Variants in AKT3 observed in about 807,000 individuals in gnomAD.
The protein encoded by AKT3 is AKT serine/threonine kinase 3, also known as RAC-gamma serine/threonine-protein kinase.
In AKT3, 15 loss-of-function variants were observed where a neutral mutation model predicts 65.3. The observed-to-expected ratio is 0.23, with a 90% CI of 0.15 to 0.35. The LOEUF (loss-of-function observed/expected upper bound fraction) is 0.35. Ranked by LOEUF, AKT3 falls within the 10% of genes least tolerant of loss-of-function variation. The pLI, the probability that AKT3 is intolerant of heterozygous loss-of-function variation, is 1.00. For synonymous variants in AKT3, 206 were observed against 183.8 expected (o/e 1.12, Z -0.98); for missense variants, 243 against 576.5 (o/e 0.42, Z 5.92).
rs1572231637 is a variant in AKT3 at position 243,723,839 on chromosome 1, G to A, written c.47-28123C>T. On this transcript the variant is annotated intron_variant, in intron 2 of 13. Coordinates refer to ENST00000673466, the MANE Select transcript of AKT3 (RefSeq NM_005465.7). ...GGGAGTCTGAGGTGGAAGATCACTT[G>A]AGCACAGGAAGTGGAGGATACAGTG... Among the ~76,000 whole-genome samples, 3 of 152,142 alleles carry A rather than the reference G, an allele frequency of 2.0e-5. No homozygotes were observed. In the South Asian group the frequency reaches 6.2e-4, roughly 32 times the overall value.
chr1:243,736,244 G>A (rs1201546872), intron 2 of AKT3, among the ~76,000 whole-genome samples: 1 of 152,180 alleles, frequency 6.6e-6, no homozygotes, highest in African/African-American at 2.4e-5. Context: ...ACAGAAAGTT[G>A]TTCTAAAGCT....
rs1303545797 is a variant in AKT3 at position 243,500,115 on chromosome 1, T to TA, written c.*5133dup. ...GACTTGAGTTGTAATGTTTCCTTTT[T>TA]ATCTTGTAGTGATGAACAAAACACA... On this transcript the variant is annotated 3_prime_UTR_variant, in exon 14 of 14. Coordinates refer to ENST00000673466, the MANE Select transcript of AKT3 (RefSeq NM_005465.7). 3 of 364,902 alleles carry TA rather than the reference T, an allele frequency of 8.2e-6. No homozygotes were observed. The Admixed American group carries it at 1.3e-4, about 15-fold the overall frequency. 22.6% of individuals were successfully genotyped at this position (364,902 alleles called of 1,614,324 possible). A position where few individuals can be genotyped will look rare whatever the true frequency, so the allele number is the denominator to read the frequency against.
At chr1:243,546,149 C>T (rs1365163118) in intron 11 of AKT3, among the ~76,000 whole-genome samples, 3 of 152,102 alleles carry the variant, frequency 2.0e-5, no homozygotes, top group African/African-American at 4.8e-5. Flanking sequence ...AGGGCGATTC[C>T]CCTGCACATG....
At position 243,677,038 on chromosome 1, in the gene AKT3, CCATTA is replaced by C. The variant is rs1683572771; in HGVS notation, c.173-12160_173-12156del. On this transcript the variant is annotated intron_variant, in intron 3 of 13. Transcript: ENST00000673466. ...TTTCAAAGCTATTCATAAGGAAGCC[CCATTA>C]ATTAAAACAAAAAGTTTCAAACTGT... is the stretch of plus-strand genomic sequence containing the variant. Among the ~76,000 whole-genome samples the C allele has an allele frequency of 2.6e-5, 4 of 152,236 alleles. No individual in the cohort carries two copies. In the South Asian group the frequency reaches 8.3e-4, roughly 32 times the overall value.
intron 3 of AKT3, among the ~76,000 whole-genome samples, chr1:243,673,774 C>T (rs1683315840): frequency 6.6e-6 from 1 of 151,954 alleles, no homozygotes; most frequent in African/African-American, 2.4e-5. Flanking sequence ...GCCACTAGGC[C>T]CAGCTAAGTT....
chr1:243,727,182 T>C (rs1170985502), intron 2 of AKT3, among the ~76,000 whole-genome samples: 2 of 152,172 alleles, frequency 1.3e-5, no homozygotes, highest in Non-Finnish European at 2.9e-5. Flanking sequence ...ACAAGGCAGC[T>C]CAACATGGCA....
chr1:243,699,400 C>A (rs58594024), intron 2 of AKT3, among the ~76,000 whole-genome samples: 26,976 of 143,400 alleles, frequency 0.19, 2,988 homozygotes, highest in East Asian at 0.3. Context: ...AATGTATCGT[C>A]AAGATAAACC....
At chr1:243,705,597 G>C (rs923400246) in intron 2 of AKT3, among the ~76,000 whole-genome samples, 2 of 152,078 alleles carry the variant, frequency 1.3e-5, no homozygotes, top group East Asian at 1.9e-4. Flanking sequence ...TTTACTCTAA[G>C]AGAAAAGCAA....
chr1:243,530,468 A>T (rs937276562), intron 12 of AKT3, among the ~76,000 whole-genome samples: 2 of 152,224 alleles, frequency 1.3e-5, no homozygotes, highest in African/African-American at 4.8e-5. Context: ...AAATTCTTTG[A>T]AACAAATGAG....
intron 6 of AKT3, 23 bp downstream of exon 6, chr1:243,637,588 A>G: frequency 6.4e-7 from 1 of 1,570,972 alleles, no homozygotes; most frequent in African/African-American, 1.4e-5. Flanking sequence ...AAATTTAGTA[A>G]TCAACTTTAA....
rs74746507 is a variant in AKT3 at position 243,574,233 on chromosome 1, A to C, written c.697-1185T>G. On this transcript the variant is annotated intron_variant, in intron 8 of 13. Coordinates refer to ENST00000673466, the MANE Select transcript of AKT3 (RefSeq NM_005465.7). ...AGTAACATAAAACAGGTTCCCTATA[A>C]ATTCATTCTTCCCCATTCCCACCCC... Among the ~76,000 whole-genome samples the C allele has an allele frequency of 2.0e-5, 3 of 152,100 alleles. No individual in the cohort carries two copies. The East Asian group carries it at 5.8e-4, about 29-fold the overall frequency.
At chr1:243,787,516 C>G (rs964054444) in intron 2 of AKT3, among the ~76,000 whole-genome samples, 19 of 152,146 alleles carry the variant, frequency 1.2e-4, no homozygotes. Context: ...TTGGTTAGAT[C>G]AATATTTGAG....
chr1:243,645,427 A>G (rs1572090993), intron 5 of AKT3, among the ~76,000 whole-genome samples: 1 of 152,330 alleles, frequency 6.6e-6, no homozygotes, highest in South Asian at 2.1e-4. Flanking sequence ...CAGCCATTAA[A>G]TAAGAGTTAT....
chr1:243,615,786 C>T (rs1231480368), intron 6 of AKT3, among the ~76,000 whole-genome samples: 1 of 152,008 alleles, frequency 6.6e-6, no homozygotes, highest in African/African-American at 2.4e-5. Flanking sequence ...GGATAGAGTA[C>T]AGTGGTACAA....
At chr1:243,531,007 T>C (rs899483150) in intron 12 of AKT3, among the ~76,000 whole-genome samples, 1 of 152,232 alleles carries the variant, frequency 6.6e-6, no homozygotes, top group African/African-American at 2.4e-5. Context: ...ATCTGTTTTT[T>C]TCAGATGTAA....
At chr1:243,728,725 G>A (rs1238292731) in intron 2 of AKT3, among the ~76,000 whole-genome samples, 2 of 152,122 alleles carry the variant, frequency 1.3e-5, no homozygotes, top group Non-Finnish European at 2.9e-5. Context: ...TAAGATCAAT[G>A]AGTTTTAAAG....
At chr1:243,643,517 T>C (rs1039492528) in intron 5 of AKT3, among the ~76,000 whole-genome samples, 1 of 152,240 alleles carries the variant, frequency 6.6e-6, no homozygotes, top group African/African-American at 2.4e-5. Context: ...CGCTATCTTT[T>C]AATTAAAACA....
intron 2 of AKT3, among the ~76,000 whole-genome samples, chr1:243,698,718 C>A (rs1685219916): frequency 6.6e-6 from 1 of 151,952 alleles, no homozygotes; most frequent in African/African-American, 2.4e-5. Flanking sequence ...TTATTTCTCA[C>A]AAACTTTTTA....
At position 243,755,001 on chromosome 1, in the gene AKT3, T is replaced by C. The variant is rs530854658; in HGVS notation, c.47-59285A>G. ...ACTTACAGTCTTCCAGCAGAGCAGC[T>C]TGATATGTAGGAAATCATCAATAAA... On this transcript the variant is annotated intron_variant, in intron 2 of 13. Transcript: ENST00000673466. Among the ~76,000 whole-genome samples the C allele has an allele frequency of 7.9e-5, 12 of 152,148 alleles. No individual in the cohort carries two copies. In the South Asian group the frequency reaches 1.4e-3, roughly 18 times the overall value.
Sources: gnomAD v4.1 joint callset for allele counts (sites outside exome capture counted in the v4.1 genomes callset) on GRCh38, gnomAD v4.1.1 for gene constraint, MANE v1.5 for transcripts, NCBI Gene and HGNC (gene_info 2026-07-23, HGNC 2026-07-21) for gene names.